Variants in TNFRSF10C observed in about 807,000 individuals in gnomAD.
TNFRSF10C encodes the protein tumor necrosis factor receptor superfamily member 10C.
TNFRSF10C carries 17 observed loss-of-function variants against 16.7 expected under a neutral mutation model. That is an observed-to-expected ratio of 1.02 (90% CI 0.70 to 1.53). The LOEUF (loss-of-function observed/expected upper bound fraction) is 1.53, where lower values mean the gene tolerates loss of function less well. TNFRSF10C is among the 40% of genes most tolerant of loss of function. The pLI is 0.00. For missense variants in TNFRSF10C, 237 were observed against 329.7 expected, an observed-to-expected ratio of 0.72 and a Z score of 2.18; for synonymous variants, 73 against 119.7, an observed-to-expected ratio of 0.61 and a Z score of 2.55.
intron 1 of TNFRSF10C, among the ~76,000 whole-genome samples, chr8:23,105,418 C>T (rs1813757731): frequency 6.6e-6 from 1 of 152,290 alleles, no homozygotes; most frequent in Admixed American, 6.5e-5. Flanking sequence ...GTACTTGCTC[C>T]CTGAGCTTGG....
chr8:23,110,069 C>CAAAAA lies in TNFRSF10C; in HGVS notation c.61-1629_61-1625dup, dbSNP rs56263402. 3.3e-4 allele frequency among the ~76,000 whole-genome samples: 13 copies of CAAAAA among 39,646 alleles called. 1 individual carries two copies. The highest frequency in any genetic ancestry group is 1.1e-3 in the African/African-American group (9 of 7,876). 26.0% of individuals were successfully genotyped at this position (39,646 alleles called of 152,430 possible). The stretch of plus-strand genomic sequence containing the variant: ...GGAGGACAGAGGGAGACCCTGTCTC[C>CAAAAA]AAAAAAAAAAAAAAAAAAAAAAAAA... On this transcript the variant is annotated intron_variant, in intron 1 of 4. Transcript: ENST00000356864.
chr8:23,116,540 C>A (rs1813986323), intron 4 of TNFRSF10C, 101 bp from the exon 5 acceptor site: 1 of 1,467,904 alleles, frequency 6.8e-7, no homozygotes, highest in East Asian at 2.3e-5. Context: ...CTTCCCCTGA[C>A]ACCTTCTCAG....
chr8:23,110,514 A>G (rs1382754555), intron 1 of TNFRSF10C, among the ~76,000 whole-genome samples: 1 of 152,234 alleles, frequency 6.6e-6, no homozygotes, highest in Non-Finnish European at 1.5e-5. Context: ...TTTAGTGTGT[A>G]CTTTCTACAA....
Position 23,103,011 on chromosome 8 carries a change from G to T in TNFRSF10C, c.-111G>T. On this transcript the variant is annotated 5_prime_UTR_variant, in exon 1 of 5. Transcript: ENST00000356864. ...GGGAGTTTGACCAGAGATGCAAGGG[G>T]TGAAGGAGCGCTTCCTACCGTTAGG... The T allele has an allele frequency of 6.4e-7, 1 of 1,551,548 alleles. No individual in the cohort carries two copies. The highest frequency in any genetic ancestry group is 8.7e-7 in the Non-Finnish European group (1 of 1,146,682).
chr8:23,102,947 A>T lies in TNFRSF10C; in HGVS notation c.-175A>T. 7 of 1,496,972 alleles carry T rather than the reference A, an allele frequency of 4.7e-6. No homozygotes were observed. The highest frequency in any genetic ancestry group is 6.3e-6 in the Non-Finnish European group (7 of 1,116,532). The allele number at this position is 1,496,972 out of a possible 1,614,324, so 92.7% of individuals were successfully genotyped here. ...GCAGTGCAGCTGTGGGAACCTCTCC[A>T]CGCGCACGAACTCAGCCAACGATTT... On this transcript the variant is annotated 5_prime_UTR_variant, in exon 1 of 5. Transcript: ENST00000356864.
intron 3 of TNFRSF10C, 144 bp downstream of exon 3, chr8:23,114,914 A>G: frequency 1.5e-6 from 1 of 653,244 alleles, no homozygotes; most frequent in Non-Finnish European, 2.7e-6. Flanking sequence ...TGACTGATTA[A>G]AAAAATAGAA....
At chr8:23,108,229 G>A (rs766013664) in intron 1 of TNFRSF10C, among the ~76,000 whole-genome samples, 3 of 152,150 alleles carry the variant, frequency 2.0e-5, no homozygotes, top group Admixed American at 6.6e-5. Context: ...CTTGGAAGAT[G>A]GCCAAGCAGG....
chr8:23,107,068 A>G (rs1424558268), intron 1 of TNFRSF10C, among the ~76,000 whole-genome samples: 3 of 152,182 alleles, frequency 2.0e-5, no homozygotes, highest in African/African-American at 7.2e-5. Context: ...TCAATTGACC[A>G]GGGTGGGCAG....
chr8:23,104,684 G>A (rs1313370197), intron 1 of TNFRSF10C, among the ~76,000 whole-genome samples: 2 of 152,174 alleles, frequency 1.3e-5, no homozygotes, highest in Non-Finnish European at 2.9e-5. Context: ...ATGTGCCTGT[G>A]TCCCTACACC....
At position 23,103,156 on chromosome 8, in the gene TNFRSF10C, T is replaced by TCATCGTCGACG; in HGVS notation, c.36_37insATCGTCGACGC (p.Val13IlefsTer14). 1.2e-6 allele frequency: 2 copies of TCATCGTCGACG among 1,612,034 alleles called. No homozygotes were observed. The highest frequency in any genetic ancestry group is 1.7e-6 in the Non-Finnish European group (2 of 1,179,348). On this transcript the variant is annotated frameshift_variant, in exon 1 of 5. Transcript: ENST00000356864. LOFTEE classifies it high-confidence loss of function. ...ATCCCCAAGACCCTAAAGTTCGTCG[T>TCATCGTCGACG]CGTCATCGTCGCGGTCCTGCTGCCA...
intron 2 of TNFRSF10C, among the ~76,000 whole-genome samples, chr8:23,113,257 C>A (rs182795828): frequency 4.3e-4 from 65 of 152,304 alleles, no homozygotes; most frequent in African/African-American, 1.5e-3. Flanking sequence ...TGTCTCTTCA[C>A]TCTGTTCATT....
intron 1 of TNFRSF10C, among the ~76,000 whole-genome samples, chr8:23,108,408 G>C (rs1813817324): frequency 6.6e-6 from 1 of 152,128 alleles, no homozygotes; most frequent in Non-Finnish European, 1.5e-5. Flanking sequence ...TCTGGCATCG[G>C]CTGTAACCAG....
At chr8:23,106,080 T>A (rs570393770) in intron 1 of TNFRSF10C, among the ~76,000 whole-genome samples, 1 of 152,150 alleles carries the variant, frequency 6.6e-6, no homozygotes, top group Non-Finnish European at 1.5e-5. Flanking sequence ...AAGTGATTCA[T>A]CCAGGAAGTA....
chr8:23,105,421 G>A (rs1191672921), intron 1 of TNFRSF10C, among the ~76,000 whole-genome samples: 1 of 152,124 alleles, frequency 6.6e-6, no homozygotes, highest in Non-Finnish European at 1.5e-5. Flanking sequence ...CTTGCTCCCT[G>A]AGCTTGGGGC....
chr8:23,108,352 G>T (rs1308762721), intron 1 of TNFRSF10C, among the ~76,000 whole-genome samples: 1 of 152,204 alleles, frequency 6.6e-6, no homozygotes, highest in African/African-American at 2.4e-5. Flanking sequence ...TTGGGAAGCT[G>T]CTGATCAGTT....
Position 23,103,039 on chromosome 8 carries a change from A to AG in TNFRSF10C, c.-83_-82insG. Reference sequence around the variant, plus strand: ...AAGGAGCGCTTCCTACCGTTAGGGAACTCTGGGGACAGAGCGCCCCGGCCG... The same window carrying AG: ...AAGGAGCGCTTCCTACCGTTAGGGAAGCTCTGGGGACAGAGCGCCCCGGCCG... On this transcript the variant is annotated 5_prime_UTR_variant, in exon 1 of 5. An upstream open reading frame in the 5' UTR gains an earlier in-frame stop. Coordinates refer to ENST00000356864, the MANE Select transcript of TNFRSF10C (RefSeq NM_003841.5). The AG allele has an allele frequency of 6.4e-7, 1 of 1,567,298 alleles. No homozygotes were observed. The highest frequency in any genetic ancestry group is 2.3e-5 in the East Asian group (1 of 42,728).
Position 23,115,499 on chromosome 8 carries a change from T to C in TNFRSF10C, c.281-9T>C. On this transcript the variant is annotated splice_polypyrimidine_tract_variant and intron_variant, in intron 3 of 4. Transcript: ENST00000356864. The stretch of plus-strand genomic sequence containing the variant: ...AACACATTCCCAAAACCTTATGCTC[T>C]GTTGTCAGATCAAAAACATAAAAGT... 1 of 1,610,908 alleles carries C rather than the reference T, an allele frequency of 6.2e-7. No individual in the cohort carries two copies. Among genetic ancestry groups the C allele is most frequent in the Non-Finnish European group, 8.5e-7 (1 of 1,177,730 alleles).
At chr8:23,109,714 T>C (rs1399160541) in intron 1 of TNFRSF10C, among the ~76,000 whole-genome samples, 1 of 151,338 alleles carries the variant, frequency 6.6e-6, no homozygotes. Flanking sequence ...AGTGTAAATT[T>C]AAACCAAACA....
At position 23,115,541 on chromosome 8, in the gene TNFRSF10C, G is replaced by T; in HGVS notation, c.314G>T (p.Arg105Ile). ...QKHKSSCTMT[R>I]DTVCQCKEGT... The stretch of plus-strand genomic sequence containing the variant: ...CATAAAAGTTCCTGCACCATGACCA[G>T]AGACACAGTGTGTCAGTGTAAAGAA... Residue 105 changes from arginine (R) to isoleucine (I), a missense_variant, in exon 4 of 5, where the codon AGA becomes ATA. By Grantham distance (97) the Arg-to-Ile change is moderately conservative. This residue lies in a region of TNFRSF10C where 212 missense variants were observed against 196.8 expected (regional missense o/e 1.08). Coordinates refer to ENST00000356864, the MANE Select transcript of TNFRSF10C (RefSeq NM_003841.5). The T allele has an allele frequency of 6.2e-7, 1 of 1,613,342 alleles. No individual in the cohort carries two copies. The highest frequency in any genetic ancestry group is 8.5e-7 in the Non-Finnish European group (1 of 1,179,612).
Sources: gnomAD v4.1 joint callset for allele counts (sites outside exome capture counted in the v4.1 genomes callset) on GRCh38, gnomAD v4.1.1 for gene constraint, gnomAD v4.1.1 regional missense constraint, MANE v1.5 for transcripts, NCBI Gene and HGNC (gene_info 2026-07-23, HGNC 2026-07-21) for gene names.